Variants in EFHC1 observed in about 807,000 individuals in gnomAD.
EFHC1 encodes the protein EF-hand domain-containing protein 1.
In EFHC1, 53 loss-of-function variants were observed where a neutral mutation model predicts 69.9. That is an observed-to-expected ratio of 0.76 (90% CI 0.61 to 0.95). The LOEUF (loss-of-function observed/expected upper bound fraction) is 0.95. EFHC1 is among the 40% of genes least tolerant of loss of function. EFHC1 has a pLI of 0.00. For synonymous variants in EFHC1, 256 were observed against 278.4 expected (o/e 0.92, Z 0.80); for missense variants, 739 against 798.7 (o/e 0.93, Z 0.90).
In EFHC1 at chr6:52,424,590, G is replaced by T. The variant is rs1764264315; in HGVS notation, c.285+423G>T. On this transcript the variant is annotated intron_variant, in intron 2 of 10. Transcript: ENST00000371068. ...TCCATCTATTGTCAGTTTTCTGCAA[G>T]GCAGTCTCCATAAGTTTTTGGTTTT... Among the ~76,000 whole-genome samples, 3 of 152,178 alleles carry T rather than the reference G, an allele frequency of 2.0e-5. No individual in the cohort carries two copies. The South Asian group carries it at 6.2e-4, about 32-fold the overall frequency.
Position 52,479,073 on chromosome 6 carries a change from G to C in EFHC1, c.1315G>C (p.Val439Leu). 6.2e-7 allele frequency: 1 copy of C among 1,614,066 alleles called. No homozygotes were observed. Among genetic ancestry groups the C allele is most frequent in the East Asian group, 2.2e-5 (1 of 44,888 alleles). The change falls in exon 8 of 11, where the codon GTC (valine) becomes CTC (leucine). Residue 439 changes from valine (V) to leucine (L), a missense_variant. Coordinates refer to ENST00000371068, the MANE Select transcript of EFHC1 (RefSeq NM_018100.4). ...CCCAGAAGACAAAGACCGCAGATTT[G>C]TCTTCTCTTACTTTCTAGCTACCGA... ...PIPEDKDRRF[V>L]FSYFLATDMI... is the part of the protein sequence containing the mutation.
At chr6:52,466,235 G>A (rs1765303679) in intron 6 of EFHC1, among the ~76,000 whole-genome samples, 1 of 152,180 alleles carries the variant, frequency 6.6e-6, no homozygotes, top group African/African-American at 2.4e-5. Flanking sequence ...ATTATGGAAT[G>A]TTTGAGTACC....
At position 52,495,540 on chromosome 6, in the gene EFHC1, GAA is replaced by G. The variant is rs1232507946; in HGVS notation, c.*3201_*3202del. The G allele has an allele frequency of 1.8e-5, 8 of 453,982 alleles. No individual in the cohort carries two copies. The highest frequency in any genetic ancestry group is 3.5e-5 in the Non-Finnish European group (8 of 226,798). The allele number at this position is 453,982 out of a possible 1,614,324, so 28.1% of individuals were successfully genotyped here. A position where few individuals can be genotyped will look rare whatever the true frequency, so the allele number is the denominator to read the frequency against. ...GGTCTCAGCCAAAATGGAGATTTAG[GAA>G]AGTCTCATTTAGCATCCTCTAGCCT... On this transcript the variant is annotated 3_prime_UTR_variant, in exon 11 of 11. Transcript: ENST00000371068.
intron 3 of EFHC1, among the ~76,000 whole-genome samples, chr6:52,449,033 A>G (rs1240351465): frequency 6.6e-6 from 1 of 152,206 alleles, no homozygotes; most frequent in Non-Finnish European, 1.5e-5. Context: ...GCCTCATAGA[A>G]TGAGTTAGGG....
intron 6 of EFHC1, among the ~76,000 whole-genome samples, chr6:52,466,996 C>T (rs1213113498): frequency 6.6e-6 from 1 of 151,990 alleles, no homozygotes; most frequent in African/African-American, 2.4e-5. Context: ...CTCTCTGCCC[C>T]CAAGTTTCTT....
chr6:52,492,761 C>T lies in EFHC1; in HGVS notation c.*420C>T. On this transcript the variant is annotated 3_prime_UTR_variant, in exon 11 of 11. Transcript: ENST00000371068. Reference sequence around the variant, plus strand: ...TCCCCAGTAGCTGGGACAACAGGCTCAAGCCACCATGCCCAGCTAATTTTT... The same window carrying T: ...TCCCCAGTAGCTGGGACAACAGGCTTAAGCCACCATGCCCAGCTAATTTTT... 1 of 443,616 alleles carries T rather than the reference C, an allele frequency of 2.3e-6. No individual in the cohort carries two copies. Among genetic ancestry groups the T allele is most frequent in the Non-Finnish European group, 4.5e-6 (1 of 221,936 alleles). 27.5% of individuals were successfully genotyped at this position (443,616 alleles called of 1,614,324 possible). A position where few individuals can be genotyped will look rare whatever the true frequency, so the allele number is the denominator to read the frequency against.
At chr6:52,467,042 A>G (rs927584276) in intron 6 of EFHC1, among the ~76,000 whole-genome samples, 1 of 152,176 alleles carries the variant, frequency 6.6e-6, no homozygotes, top group African/African-American at 2.4e-5. Flanking sequence ...GGAAAATACC[A>G]TGAGAACAGA....
intron 1 of EFHC1, among the ~76,000 whole-genome samples, 177 bp downstream of exon 1, chr6:52,420,650 T>G (rs1440864618): frequency 6.6e-6 from 1 of 152,076 alleles, no homozygotes; most frequent in Non-Finnish European, 1.5e-5. Flanking sequence ...TCCCTAGCCA[T>G]CCTCATCCCC....
At position 52,464,941 on chromosome 6, in the gene EFHC1, G is replaced by T; in HGVS notation, c.963G>T (p.Leu321Phe). ...TAGAAATCTCTGACCAAGAAGTGTTGGAATGGTATACTGCTAAAGACTTCA... is the reference window on the plus strand; with the variant it reads ...TAGAAATCTCTGACCAAGAAGTGTTTGAATGGTATACTGCTAAAGACTTCA... Reference protein sequence around the residue: ...CVLEISDQEVLEWYTAKDFIV... With the variant: ...CVLEISDQEVFEWYTAKDFIV... The change falls in exon 6 of 11, where the codon TTG becomes TTT. Residue 321 changes from leucine (L) to phenylalanine (F), a missense_variant. Transcript: ENST00000371068. 2.5e-6 allele frequency: 4 copies of T among 1,614,096 alleles called. No homozygotes were observed. The highest frequency in any genetic ancestry group is 3.4e-6 in the Non-Finnish European group (4 of 1,180,016).
chr6:52,473,082 C>T (rs1765472984), intron 7 of EFHC1, among the ~76,000 whole-genome samples: 1 of 152,122 alleles, frequency 6.6e-6, no homozygotes, highest in Non-Finnish European at 1.5e-5. Flanking sequence ...CCAGGAATAG[C>T]CAAGATACTC....
intron 7 of EFHC1, among the ~76,000 whole-genome samples, chr6:52,478,243 G>T (rs531861652): frequency 1.3e-5 from 2 of 151,840 alleles, no homozygotes. Flanking sequence ...CATGGACACA[G>T]GAAGGGGAAT....
intron 3 of EFHC1, among the ~76,000 whole-genome samples, chr6:52,448,220 C>G (rs1046804415): frequency 5.3e-5 from 8 of 152,226 alleles, no homozygotes; most frequent in African/African-American, 1.9e-4. Context: ...TGGGCTCCAC[C>G]CAGTTCGAGC....
At chr6:52,437,043 A>G (rs1172581536) in intron 2 of EFHC1, among the ~76,000 whole-genome samples, 1 of 152,210 alleles carries the variant, frequency 6.6e-6, no homozygotes, top group Non-Finnish European at 1.5e-5. Flanking sequence ...TCAATGTAAT[A>G]TATATGTTCC....
chr6:52,421,429 C>CTT (rs1415819224), intron 1 of EFHC1, among the ~76,000 whole-genome samples: 2 of 144,054 alleles, frequency 1.4e-5, no homozygotes, highest in African/African-American at 5.1e-5. Flanking sequence ...AGCTTGGATT[C>CTT]TTTTTTTTTT....
rs183196029 is a variant in EFHC1, at chr6:52,494,541, G to C, written c.*2200G>C. On this transcript the variant is annotated 3_prime_UTR_variant, in exon 11 of 11. Transcript: ENST00000371068. The stretch of plus-strand genomic sequence containing the variant: ...TGTCGTAATGTGGGGCCAGGTCTGA[G>C]TGACATGTGCCGAAAGGCTGACTCT... The C allele has an allele frequency of 3.8e-3, 1,737 of 454,140 alleles. 7 individuals are homozygous for C. The highest frequency in any genetic ancestry group is 5.4e-3 in the Non-Finnish European group (1,215 of 226,800). 28.1% of individuals were successfully genotyped at this position (454,140 alleles called of 1,614,324 possible).
intron 4 of EFHC1, chr6:52,453,231 CATGT>C (rs1764958341): frequency 7.7e-7 from 1 of 1,292,202 alleles, no homozygotes; most frequent in African/African-American, 1.5e-5. Flanking sequence ...AATATGCATA[CATGT>C]AGGTTGTAAT....
intron 3 of EFHC1, among the ~76,000 whole-genome samples, chr6:52,450,992 G>T (rs953142365): frequency 1.3e-5 from 2 of 151,972 alleles, no homozygotes; most frequent in Non-Finnish European, 2.9e-5. Flanking sequence ...CAGAGACTGG[G>T]TTTCACCATG....
At chr6:52,469,703 A>G (rs1351241712) in intron 7 of EFHC1, among the ~76,000 whole-genome samples, 2 of 152,230 alleles carry the variant, frequency 1.3e-5, no homozygotes, top group African/African-American at 2.4e-5. Context: ...TCTTAAGATC[A>G]TTAATCTCTC....
At position 52,454,246 on chromosome 6, in the gene EFHC1, T is replaced by C; in HGVS notation, c.875T>C (p.Met292Thr). 1 of 1,614,238 alleles carries C rather than the reference T, an allele frequency of 6.2e-7. No individual in the cohort carries two copies. Among genetic ancestry groups the C allele is most frequent in the Non-Finnish European group, 8.5e-7 (1 of 1,180,022 alleles). ...NDGRDPFPLL[M>T]NRQRVPKVLV... is the part of the protein sequence containing the mutation. ...GGGAGAGATCCTTTCCCACTCCTAA[T>C]GAACCGCCAGCGTGTGCCCAAAGTT... is the stretch of plus-strand genomic sequence containing the variant. The change falls in exon 5 of 11, where the codon ATG (methionine) becomes ACG (threonine). Residue 292 changes from methionine to threonine, a missense_variant. Met to Thr is a moderately conservative substitution (Grantham distance 81). Coordinates refer to ENST00000371068, the MANE Select transcript of EFHC1 (RefSeq NM_018100.4).
Sources: allele counts gnomAD v4.1 joint callset (sites outside exome capture counted in the v4.1 genomes callset), GRCh38; gene constraint gnomAD v4.1.1; transcripts MANE v1.5; gene names NCBI Gene and HGNC (gene_info 2026-07-23, HGNC 2026-07-21).